TSPAN7: variants seen among roughly 807,000 people sequenced by gnomAD.
The protein encoded by TSPAN7 is tetraspanin-7.
Under a neutral mutation model 17.6 loss-of-function variants are expected in TSPAN7, and 1 was observed. The observed-to-expected ratio is 0.06, with a 90% CI of 0.02 to 0.27. The LOEUF (loss-of-function observed/expected upper bound fraction) is 0.27. TSPAN7 is among the 10% of genes least tolerant of loss of function. TSPAN7 has a pLI of 1.00. For synonymous variants in TSPAN7, 78 were observed against 79.0 expected (o/e 0.99, Z 0.07); for missense variants, 112 against 201.7 (o/e 0.56, Z 2.69).
rs1228753119 is a variant in TSPAN7, at chrX:38,681,314, G to T, written c.681+27G>T. Reference sequence around the variant, plus strand: ...TAGCCTACATAATTGTGCAGAACCTGGTCTAACCTTTCCTCTGCCTCCCTC... The same window carrying T: ...TAGCCTACATAATTGTGCAGAACCTTGTCTAACCTTTCCTCTGCCTCCCTC... On this transcript the variant is annotated intron_variant, in intron 6 of 7. Transcript: ENST00000378482. The T allele has an allele frequency of 2.6e-6, 3 of 1,147,452 alleles. No individual in the cohort carries two copies. In the South Asian group the frequency reaches 5.4e-5, roughly 21 times the overall value. The allele number at this position is 1,147,452 out of a possible 1,213,427, so 94.6% of individuals were successfully genotyped here. A position where few individuals can be genotyped will look rare whatever the true frequency, so the allele number is the denominator to read the frequency against.
At chrX:38,581,677 A>T (rs2069227747) in intron 1 of TSPAN7, among the ~76,000 whole-genome samples, 1 of 112,135 alleles carries the variant, frequency 8.9e-6, no homozygotes, top group Non-Finnish European at 1.9e-5. Context: ...GAAGACTTTC[A>T]TGGGGATAGA....
In TSPAN7 at chrX:38,666,659, C is replaced by T. The variant is rs768330042; in HGVS notation, c.270+350C>T. 8.3e-5 allele frequency among the ~76,000 whole-genome samples: 9 copies of T among 108,360 alleles called. No individual in the cohort carries two copies. In the East Asian group the frequency reaches 1.4e-3, roughly 17 times the overall value. 94.1% of individuals were successfully genotyped at this position (108,360 alleles called of 115,157 possible). On this transcript the variant is annotated intron_variant, in intron 2 of 7. Transcript: ENST00000378482. Reference sequence around the variant, plus strand: ...TGTTGCCCAGGCTGGAGTTCAATGGCGCAATCTCTGCTCACTGCAAGCTCC... The same window carrying T: ...TGTTGCCCAGGCTGGAGTTCAATGGTGCAATCTCTGCTCACTGCAAGCTCC...
intron 1 of TSPAN7, among the ~76,000 whole-genome samples, chrX:38,613,570 A>T (rs1247404816): frequency 9.0e-6 from 1 of 111,468 alleles, no homozygotes; most frequent in East Asian, 2.8e-4. Flanking sequence ...ACCTTGGGTT[A>T]TTAGATGCCC....
intron 1 of TSPAN7, among the ~76,000 whole-genome samples, chrX:38,662,483 G>T (rs779844960): frequency 1.8e-4 from 20 of 111,756 alleles, no homozygotes; most frequent in African/African-American, 5.9e-4. Flanking sequence ...AAGAGGTTGT[G>T]CTCCTGGATA....
chrX:38,597,574 CAA>C (rs1401897690), intron 1 of TSPAN7, among the ~76,000 whole-genome samples: 6 of 111,415 alleles, frequency 5.4e-5, no homozygotes, highest in African/African-American at 2.0e-4. Context: ...TGTCTTTAAA[CAA>C]ACACATATAA....
chrX:38,653,757 A>G (rs1323123298), intron 1 of TSPAN7, among the ~76,000 whole-genome samples: 2 of 112,208 alleles, frequency 1.8e-5, no homozygotes, highest in Non-Finnish European at 3.8e-5. Flanking sequence ...GGAATAATGC[A>G]TAGCCTTTTA....
At chrX:38,684,747 C>T (rs748585221) in intron 6 of TSPAN7, among the ~76,000 whole-genome samples, 1 of 110,800 alleles carries the variant, frequency 9.0e-6, no homozygotes, top group African/African-American at 3.3e-5. Context: ...CCCCATATCA[C>T]GTAATATTAT....
chrX:38,678,521 T>C (rs1203640931), intron 5 of TSPAN7, among the ~76,000 whole-genome samples: 1 of 111,836 alleles, frequency 8.9e-6, no homozygotes, highest in Non-Finnish European at 1.9e-5. Context: ...AAGATCATAG[T>C]TTAGGGGAAA....
At chrX:38,574,840 C>T (rs1337195268) in intron 1 of TSPAN7, among the ~76,000 whole-genome samples, 2 of 110,036 alleles carry the variant, frequency 1.8e-5, no homozygotes, top group Non-Finnish European at 3.8e-5. Context: ...AGATGTCCCC[C>T]ATAATCTCAC....
chrX:38,653,082 G>A (rs373204224), intron 1 of TSPAN7, among the ~76,000 whole-genome samples: 1 of 111,797 alleles, frequency 8.9e-6, no homozygotes, highest in African/African-American at 3.3e-5. Flanking sequence ...TTGGACTCCG[G>A]GCTATACCAC....
At chrX:38,674,433 C>A in intron 4 of TSPAN7, 117 bp downstream of exon 4, 2 of 641,965 alleles carry the variant, frequency 3.1e-6, no homozygotes, top group South Asian at 2.4e-5. Context: ...AACTCTTAGT[C>A]CAGTTCCATT....
At chrX:38,668,862 A>T (rs1188271260) in intron 2 of TSPAN7, among the ~76,000 whole-genome samples, 2 of 111,533 alleles carry the variant, frequency 1.8e-5, no homozygotes, top group African/African-American at 6.5e-5. Flanking sequence ...TGTTATCCAT[A>T]GTGGTTGTAC....
At chrX:38,665,089 A>G (rs2069773756) in intron 1 of TSPAN7, among the ~76,000 whole-genome samples, 2 of 112,084 alleles carry the variant, frequency 1.8e-5, no homozygotes, top group African/African-American at 6.5e-5. Flanking sequence ...ATGGATTTGT[A>G]TCATGCCAAT....
At chrX:38,666,335 C>G (rs763330362) in intron 2 of TSPAN7, 26 bp downstream of exon 2, 1 of 1,187,485 alleles carries the variant, frequency 8.4e-7, no homozygotes, top group South Asian at 1.8e-5. Flanking sequence ...CATAATACTG[C>G]TTTCTCAACT....
At chrX:38,622,133 G>T (rs1175276559) in intron 1 of TSPAN7, among the ~76,000 whole-genome samples, 1 of 112,469 alleles carries the variant, frequency 8.9e-6, no homozygotes, top group Non-Finnish European at 1.9e-5. Context: ...CAGTATATTG[G>T]TTATTGGTCC....
At chrX:38,565,464 G>A (rs867824108) in intron 1 of TSPAN7, among the ~76,000 whole-genome samples, 3 of 112,160 alleles carry the variant, frequency 2.7e-5, no homozygotes, top group African/African-American at 9.7e-5. Context: ...CCTTGACCTC[G>A]TGATCTGCCC....
chrX:38,603,847 T>TTTTA (rs200326952), intron 1 of TSPAN7, among the ~76,000 whole-genome samples: 13 of 109,074 alleles, frequency 1.2e-4, no homozygotes, highest in East Asian at 8.6e-4. Context: ...TCTTTTGTAT[T>TTTTA]TTTATTTATT....
rs138379574 is a variant in TSPAN7 at position 38,657,705 on chromosome X, G to A, written c.82-8416G>A. Among the ~76,000 whole-genome samples, 736 of 112,559 alleles carry A rather than the reference G, an allele frequency of 6.5e-3. 9 individuals carry two copies. Among genetic ancestry groups the A allele is most frequent in the African/African-American group, 0.022 (692 of 30,966 alleles). ...GAACTAAGACACAGATATGCAACAT[G>A]ACTGGTGTAAGCTAGTGGTTGCAAC... is the stretch of plus-strand genomic sequence containing the variant. On this transcript the variant is annotated intron_variant, in intron 1 of 7. Transcript: ENST00000378482.
chrX:38,618,281 G>A (rs2069467781), intron 1 of TSPAN7, among the ~76,000 whole-genome samples: 1 of 112,342 alleles, frequency 8.9e-6, no homozygotes, highest in South Asian at 3.7e-4. Context: ...TCCATCAAAT[G>A]CTGTTCCTCT....
Sources: allele counts gnomAD v4.1 joint callset (sites outside exome capture counted in the v4.1 genomes callset), GRCh38; gene constraint gnomAD v4.1.1; transcripts MANE v1.5; gene names NCBI Gene and HGNC (gene_info 2026-07-23, HGNC 2026-07-21).